Variants in STXBP5L observed in about 807,000 individuals in gnomAD.
STXBP5L encodes syntaxin binding protein 5L, also known as syntaxin-binding protein 5-like.
A neutral mutation model predicts 144.5 loss-of-function variants in STXBP5L; 65 were observed. The observed-to-expected ratio is 0.45, with a 90% CI of 0.37 to 0.55. The LOEUF is 0.55. Ranked by LOEUF, STXBP5L falls within the 20% of genes least tolerant of loss-of-function variation. The probability of loss-of-function intolerance (pLI) is 0.00; values close to 1 mark genes in which losing one functional copy is unlikely to be tolerated. For missense variants in STXBP5L, 1,298 were observed against 1,405.5 expected, an observed-to-expected ratio of 0.92 and a Z score of 1.22; for synonymous variants, 505 against 469.6, an observed-to-expected ratio of 1.08 and a Z score of -0.97.
intron 19 of STXBP5L, among the ~76,000 whole-genome samples, chr3:121,316,920 T>A (rs1439396183): frequency 6.6e-6 from 1 of 152,180 alleles, no homozygotes; most frequent in African/African-American, 2.4e-5. Flanking sequence ...TAACTTGCAG[T>A]TTCTAATTTG....
chr3:121,093,914 T>C (rs2042967731), intron 5 of STXBP5L, among the ~76,000 whole-genome samples: 1 of 152,230 alleles, frequency 6.6e-6, no homozygotes. Flanking sequence ...CATTTAGTGC[T>C]ATACATTTCC....
chr3:121,329,258 G>T (rs1577471182), intron 20 of STXBP5L, among the ~76,000 whole-genome samples: 1 of 152,162 alleles, frequency 6.6e-6, no homozygotes, highest in South Asian at 2.1e-4. Context: ...AATGCCATCT[G>T]TCAACCTCTT....
chr3:121,147,040 G>T (rs9826818), intron 7 of STXBP5L, among the ~76,000 whole-genome samples: 15,073 of 151,912 alleles, frequency 0.099, 1,174 homozygotes, highest in Admixed American at 0.2. Flanking sequence ...CAGTCACTGA[G>T]AAAACAAACA....
intron 20 of STXBP5L, among the ~76,000 whole-genome samples, chr3:121,328,806 A>G (rs888082526): frequency 6.6e-6 from 1 of 152,132 alleles, no homozygotes; most frequent in Non-Finnish European, 1.5e-5. Flanking sequence ...GAAACCTACC[A>G]TGGAGAAAAG....
chr3:121,313,430 G>A (rs1298131792), intron 19 of STXBP5L, among the ~76,000 whole-genome samples: 3 of 110,022 alleles, frequency 2.7e-5, no homozygotes, highest in African/African-American at 7.6e-5. Context: ...GCGGCTGGCC[G>A]GGCGGGGGGC....
intron 19 of STXBP5L, among the ~76,000 whole-genome samples, chr3:121,300,792 C>A (rs953096211): frequency 1.3e-5 from 2 of 151,756 alleles, no homozygotes; most frequent in African/African-American, 4.8e-5. Flanking sequence ...ATAAACTTAA[C>A]CCCATCAAAG....
At chr3:121,402,760 C>T (rs1213137267) in intron 22 of STXBP5L, among the ~76,000 whole-genome samples, 1 of 152,054 alleles carries the variant, frequency 6.6e-6, no homozygotes, top group Non-Finnish European at 1.5e-5. Context: ...TAGTCCTTGC[C>T]CCTGCACTCC....
chr3:121,343,898 C>CTTTAAAGTTCATATGGAACCAAAAAA (rs2044837003), intron 20 of STXBP5L, among the ~76,000 whole-genome samples: 2 of 152,188 alleles, frequency 1.3e-5, no homozygotes, highest in Admixed American at 6.6e-5. Context: ...GAAAAAACTA[C>CTTTAAAGTTCATATGGAACCAAAAAA]TTTAAAGTTC....
intron 14 of STXBP5L, among the ~76,000 whole-genome samples, chr3:121,246,330 T>G (rs1319473153): frequency 1.3e-5 from 2 of 152,220 alleles, no homozygotes; most frequent in African/African-American, 2.4e-5. Flanking sequence ...GTGGAAAAGT[T>G]GTTTTCCACG....
chr3:121,111,063 C>T (rs572647639), intron 5 of STXBP5L, among the ~76,000 whole-genome samples: 3 of 152,248 alleles, frequency 2.0e-5, no homozygotes, highest in African/African-American at 7.2e-5. Context: ...GTGAAGTTCT[C>T]ATGTTGTGTT....
At chr3:120,933,764 G>A (rs1276882380) in intron 2 of STXBP5L, among the ~76,000 whole-genome samples, 2 of 152,046 alleles carry the variant, frequency 1.3e-5, no homozygotes, top group Non-Finnish European at 2.9e-5. Flanking sequence ...GAGTGATATG[G>A]GAGGAACTAT....
chr3:120,963,485 G>A (rs189633111), intron 3 of STXBP5L, among the ~76,000 whole-genome samples: 1 of 152,106 alleles, frequency 6.6e-6, no homozygotes, highest in Admixed American at 6.6e-5. Context: ...GCATGAAAGG[G>A]TGTTGAGTTT....
intron 3 of STXBP5L, among the ~76,000 whole-genome samples, chr3:121,015,976 A>G (rs1457893905): frequency 2.0e-5 from 3 of 152,206 alleles, no homozygotes; most frequent in African/African-American, 7.2e-5. Context: ...ACCAGTCTTC[A>G]TATAATAACA....
chr3:121,363,213 T>A (rs948567036), intron 20 of STXBP5L, among the ~76,000 whole-genome samples: 3 of 152,024 alleles, frequency 2.0e-5, no homozygotes, highest in Non-Finnish European at 4.4e-5. Flanking sequence ...ATGGGAGAGG[T>A]GATACCAGCA....
At chr3:121,083,985 AT>A (rs1376736829) in intron 5 of STXBP5L, among the ~76,000 whole-genome samples, 9 of 151,930 alleles carry the variant, frequency 5.9e-5, no homozygotes, top group Non-Finnish European at 1.3e-4. Flanking sequence ...TCCTAAAAAA[AT>A]CTCCTACTAG....
chr3:121,187,419 G>A (rs1331362809), intron 9 of STXBP5L, among the ~76,000 whole-genome samples: 1 of 126,086 alleles, frequency 7.9e-6, no homozygotes, highest in Admixed American at 8.3e-5. Context: ...GGGGAGCGGG[G>A]AGGGGGGAGG....
intron 20 of STXBP5L, among the ~76,000 whole-genome samples, chr3:121,350,122 C>T (rs777937472): frequency 1.3e-5 from 2 of 152,082 alleles, no homozygotes; most frequent in Non-Finnish European, 2.9e-5. Context: ...ATGTTCAGTG[C>T]TTCCTTCAGG....
intron 5 of STXBP5L, among the ~76,000 whole-genome samples, chr3:121,070,198 G>A (rs75477339): frequency 0.018 from 2,748 of 152,304 alleles, 32 homozygotes; most frequent in South Asian, 0.036. Context: ...CTTAAGGTGG[G>A]AACTACGTGA....
At chr3:121,014,379 T>C (rs1017907634) in intron 3 of STXBP5L, among the ~76,000 whole-genome samples, 1 of 150,220 alleles carries the variant, frequency 6.7e-6, no homozygotes, top group African/African-American at 2.5e-5. Context: ...CAGGGTTGTC[T>C]TTTTTTGAGT....
Sources: allele counts gnomAD v4.1 joint callset (sites outside exome capture counted in the v4.1 genomes callset), GRCh38; gene constraint gnomAD v4.1.1; transcripts MANE v1.5; gene names NCBI Gene and HGNC (gene_info 2026-07-23, HGNC 2026-07-21).